Variants in GALNT13 observed in about 807,000 individuals in gnomAD.
The protein encoded by GALNT13 is polypeptide N-acetylgalactosaminyltransferase 13.
A neutral mutation model predicts 64.2 loss-of-function variants in GALNT13; 28 were observed. The ratio of observed to expected loss-of-function variants is 0.44; its 90% CI spans 0.32 to 0.60. The LOEUF (loss-of-function observed/expected upper bound fraction) is 0.60. Ranked by LOEUF, GALNT13 falls within the 20% of genes least tolerant of loss-of-function variation. The pLI is 0.05. For synonymous variants in GALNT13, 214 were observed against 224.6 expected (o/e 0.95, Z 0.42); for missense variants, 577 against 669.8 (o/e 0.86, Z 1.53).
At chr2:154,380,041 AAAT>A (rs1698193503) in intron 9 of GALNT13, among the ~76,000 whole-genome samples, 1 of 152,238 alleles carries the variant, frequency 6.6e-6, no homozygotes, top group Non-Finnish European at 1.5e-5. Flanking sequence ...AAAGTGGAAT[AAAT>A]AAGACAGTAA....
chr2:153,306,712 G>A, the GALNT13 span, among the ~76,000 whole-genome samples: 2 of 152,080 alleles, frequency 1.3e-5, no homozygotes, highest in African/African-American at 4.8e-5. Context: ...TAGAAATAGG[G>A]ACCATTAAGC....
At chr2:153,836,939 G>T in the GALNT13 span, among the ~76,000 whole-genome samples, 6 of 152,006 alleles carry the variant, frequency 3.9e-5, no homozygotes, top group Admixed American at 3.3e-4. Context: ...CAAAGTCTTT[G>T]CTATTGTGAA....
chr2:154,390,489 C>T (rs1035553435), intron 9 of GALNT13, among the ~76,000 whole-genome samples: 5 of 152,170 alleles, frequency 3.3e-5, no homozygotes, highest in African/African-American at 1.2e-4. Context: ...ATGTGGTTTT[C>T]TGTTCCTGTA....
the GALNT13 span, among the ~76,000 whole-genome samples, chr2:153,277,659 A>G: frequency 6.6e-6 from 1 of 152,150 alleles, no homozygotes; most frequent in South Asian, 2.1e-4. Context: ...ATTAATTTAC[A>G]TTCTCACCAA....
At chr2:154,040,426 T>C (rs1698908453) in intron 3 of GALNT13, among the ~76,000 whole-genome samples, 1 of 140,808 alleles carries the variant, frequency 7.1e-6, no homozygotes, top group African/African-American at 2.4e-5. Flanking sequence ...ATAAATTAAT[T>C]GATAATGGTA....
At chr2:154,018,096 A>G (rs1697128851) in intron 3 of GALNT13, among the ~76,000 whole-genome samples, 1 of 152,164 alleles carries the variant, frequency 6.6e-6, no homozygotes, top group Non-Finnish European at 1.5e-5. Context: ...AGCTCTTTTT[A>G]TATTTAGGAA....
chr2:153,798,154 G>C, the GALNT13 span, among the ~76,000 whole-genome samples: 1 of 152,088 alleles, frequency 6.6e-6, no homozygotes, highest in African/African-American at 2.4e-5. Context: ...CTCCTTTTGC[G>C]CTAGCTGGTA....
chr2:153,204,864 G>T, the GALNT13 span, among the ~76,000 whole-genome samples: 127,324 of 152,118 alleles, frequency 0.84, 54,593 homozygotes, highest in African/African-American at 0.94. Context: ...CTCTATTGAA[G>T]AAATCTGCTT....
chr2:153,548,159 A>G, the GALNT13 span, among the ~76,000 whole-genome samples: 3 of 152,152 alleles, frequency 2.0e-5, no homozygotes, highest in African/African-American at 7.2e-5. Flanking sequence ...TCTGTGCACA[A>G]AAGTCCTTGG....
intron 4 of GALNT13, among the ~76,000 whole-genome samples, chr2:154,178,074 C>T (rs1404639813): frequency 1.3e-5 from 2 of 152,106 alleles, no homozygotes; most frequent in Non-Finnish European, 2.9e-5. Flanking sequence ...ACCACTGTCA[C>T]CGTCTTCTGT....
chr2:153,478,631 G>T, the GALNT13 span: 1 of 1,309,644 alleles, frequency 7.6e-7, no homozygotes, highest in Non-Finnish European at 1.0e-6. Flanking sequence ...GGCGCTGGAG[G>T]AACAGGTGCC....
chr2:153,393,982 ACACACACACC>A, the GALNT13 span, among the ~76,000 whole-genome samples: 49 of 94,494 alleles, frequency 5.2e-4, no homozygotes, highest in South Asian at 5.1e-3. Flanking sequence ...ACACACACAC[ACACACACACC>A]CCCTATTGGT....
the GALNT13 span, among the ~76,000 whole-genome samples, chr2:153,794,686 A>G: frequency 2.0e-5 from 3 of 151,928 alleles, no homozygotes; most frequent in Non-Finnish European, 4.4e-5. Context: ...GCGCCCAGCT[A>G]ATTTTTGTAT....
At chr2:153,082,883 C>T in the GALNT13 span, among the ~76,000 whole-genome samples, 6 of 150,502 alleles carry the variant, frequency 4.0e-5, no homozygotes, top group South Asian at 1.3e-3. Context: ...GGCTGGAGTG[C>T]AGTGGCACAG....
At chr2:153,925,559 T>A (rs1690072650) in intron 2 of GALNT13, among the ~76,000 whole-genome samples, 1 of 151,002 alleles carries the variant, frequency 6.6e-6, no homozygotes, top group Admixed American at 6.6e-5. Context: ...TGGTTCCATA[T>A]GAATTTTAAA....
chr2:153,941,576 A>T (rs1691344631), intron 2 of GALNT13, among the ~76,000 whole-genome samples: 1 of 152,178 alleles, frequency 6.6e-6, no homozygotes, highest in African/African-American at 2.4e-5. Flanking sequence ...CATAATACAG[A>T]TGCTGATTCT....
At chr2:153,656,354 G>A in the GALNT13 span, among the ~76,000 whole-genome samples, 69 of 151,830 alleles carry the variant, frequency 4.5e-4, no homozygotes, top group East Asian at 0.011. Flanking sequence ...GCGCACATAT[G>A]TGTGTGTGCA....
the GALNT13 span, among the ~76,000 whole-genome samples, chr2:153,125,695 A>C: frequency 6.6e-6 from 1 of 152,240 alleles, no homozygotes; most frequent in East Asian, 1.9e-4. Context: ...GAAATACATA[A>C]AAGTACGCAG....
chr2:153,742,385 A>G, the GALNT13 span, among the ~76,000 whole-genome samples: 1 of 152,062 alleles, frequency 6.6e-6, no homozygotes, highest in South Asian at 2.1e-4. Context: ...CTTTTTAGAA[A>G]CCTTCTTTTA....
Sources: gnomAD v4.1 joint callset for allele counts (sites outside exome capture counted in the v4.1 genomes callset) on GRCh38, gnomAD v4.1.1 for gene constraint, MANE v1.5 for transcripts, NCBI Gene and HGNC (gene_info 2026-07-23, HGNC 2026-07-21) for gene names.